Variants in PRKN observed in about 807,000 individuals in gnomAD.
PRKN encodes the protein E3 ubiquitin-protein ligase parkin.
PRKN carries 56 observed loss-of-function variants against 59.5 expected under a neutral mutation model. The ratio of observed to expected loss-of-function variants is 0.94; its 90% CI spans 0.76 to 1.18. The LOEUF (loss-of-function observed/expected upper bound fraction) is 1.18, where lower values mean the gene tolerates loss of function less well. Ranked by LOEUF, PRKN falls within the 50% of genes most tolerant of loss-of-function variation. The probability of loss-of-function intolerance (pLI) is 0.00; values close to 1 mark genes in which losing one functional copy is unlikely to be tolerated. For synonymous variants in PRKN, 250 were observed against 222.1 expected, an observed-to-expected ratio of 1.13 and a Z score of -1.12; for missense variants, 657 against 596.4, an observed-to-expected ratio of 1.10 and a Z score of -1.06.
At chr6:161,602,608 T>G (rs750335822) in intron 7 of PRKN, among the ~76,000 whole-genome samples, 1 of 152,226 alleles carries the variant, frequency 6.6e-6, no homozygotes, top group Non-Finnish European at 1.5e-5. Flanking sequence ...TTGCTCTCTG[T>G]AGACTGCTGG....
rs563115828 is a variant in PRKN at position 162,340,077 on chromosome 6, T to G, written c.172-77312A>C. Among the ~76,000 whole-genome samples, 77 of 146,418 alleles carry G rather than the reference T, an allele frequency of 5.3e-4. 2 individuals carry two copies. In the East Asian group the frequency reaches 0.014, roughly 27 times the overall value. The stretch of plus-strand genomic sequence containing the variant: ...GTTTATCTGCTGACCTTCCCTCCAC[T>G]ATTGTCCCATGACCCTGCCAAATCC... On this transcript the variant is annotated intron_variant, in intron 2 of 11. Transcript: ENST00000366898.
chr6:161,786,476 T>G (rs1259268322), intron 6 of PRKN, among the ~76,000 whole-genome samples: 1 of 152,184 alleles, frequency 6.6e-6, no homozygotes, highest in Non-Finnish European at 1.5e-5. Flanking sequence ...AGGACTTGTA[T>G]ATAGTGATTT....
At chr6:162,391,521 T>G (rs1787191947) in intron 2 of PRKN, among the ~76,000 whole-genome samples, 1 of 151,576 alleles carries the variant, frequency 6.6e-6, no homozygotes, top group Non-Finnish European at 1.5e-5. Flanking sequence ...ATGCTTGACG[T>G]GGATTTCGAA....
At chr6:161,691,106 T>TCCATCCAC (rs779616614) in intron 7 of PRKN, among the ~76,000 whole-genome samples, 10 of 151,922 alleles carry the variant, frequency 6.6e-5, no homozygotes, top group Non-Finnish European at 1.5e-4. Context: ...TATCTATCCA[T>TCCATCCAC]CTATCCACCT....
At chr6:161,601,275 C>T (rs1782094893) in intron 7 of PRKN, among the ~76,000 whole-genome samples, 1 of 152,142 alleles carries the variant, frequency 6.6e-6, no homozygotes, top group Non-Finnish European at 1.5e-5. Flanking sequence ...GATCAAGGTG[C>T]TGGCAGATTT....
chr6:162,603,015 C>T (rs1562425970), intron 1 of PRKN, among the ~76,000 whole-genome samples: 1 of 152,262 alleles, frequency 6.6e-6, no homozygotes, highest in South Asian at 2.1e-4. Flanking sequence ...TCCCAAACCC[C>T]AGAAGCTCCA....
At chr6:161,806,218 G>A (rs1401517288) in intron 6 of PRKN, among the ~76,000 whole-genome samples, 1 of 152,162 alleles carries the variant, frequency 6.6e-6, no homozygotes, top group Non-Finnish European at 1.5e-5. Flanking sequence ...GCGACAGCTA[G>A]ACACCAAAGT....
intron 1 of PRKN, among the ~76,000 whole-genome samples, chr6:162,688,938 T>C (rs1777666373): frequency 6.6e-6 from 1 of 152,196 alleles, no homozygotes; most frequent in South Asian, 2.1e-4. Context: ...AGAAAGGCAT[T>C]AGCCTACCAT....
At chr6:161,628,507 T>C (rs547013094) in intron 7 of PRKN, among the ~76,000 whole-genome samples, 56 of 152,300 alleles carry the variant, frequency 3.7e-4, no homozygotes, top group South Asian at 1.0e-3. Flanking sequence ...CCTAATACCA[T>C]CACCTTGAGG....
intron 1 of PRKN, among the ~76,000 whole-genome samples, chr6:162,594,922 C>A (rs1781443048): frequency 1.3e-5 from 2 of 152,174 alleles, no homozygotes; most frequent in Admixed American, 6.6e-5. Flanking sequence ...CGCCTGTAAT[C>A]CCAGCACTTT....
At chr6:162,447,851 G>C (rs977763633) in intron 1 of PRKN, among the ~76,000 whole-genome samples, 1 of 152,044 alleles carries the variant, frequency 6.6e-6, no homozygotes, top group Non-Finnish European at 1.5e-5. Flanking sequence ...ATTGGTTCAG[G>C]GATGATGCAA....
intron 1 of PRKN, among the ~76,000 whole-genome samples, chr6:162,590,848 A>G (rs57441108): frequency 0.021 from 3,153 of 152,262 alleles, 112 homozygotes; most frequent in African/African-American, 0.071. Context: ...TACTCTGGGC[A>G]CACAACAGCC....
rs1281249287 is a variant in PRKN, at chr6:162,727,670, G to A, written c.-2C>T. Reference sequence around the variant, plus strand: ...GGCAGGTACCCACGTACCTATCATGGTCACTGGGTAGGTGGCGGCTGCGGG... The same window carrying A: ...GGCAGGTACCCACGTACCTATCATGATCACTGGGTAGGTGGCGGCTGCGGG... On this transcript the variant is annotated 5_prime_UTR_variant, in exon 1 of 12. Transcript: ENST00000366898. 1.3e-6 allele frequency: 2 copies of A among 1,582,730 alleles called. No individual in the cohort carries two copies. Among genetic ancestry groups the A allele is most frequent in the African/African-American group, 1.3e-5 (1 of 74,110 alleles).
chr6:161,573,547 C>T (rs796626390), intron 7 of PRKN, among the ~76,000 whole-genome samples: 5 of 149,858 alleles, frequency 3.3e-5, no homozygotes, highest in African/African-American at 7.3e-5. Context: ...AGTGAAACCC[C>T]GTCTCTACTA....
rs369638647 is a variant in PRKN at position 162,238,549 on chromosome 6, A to G, written c.412+23976T>C. On this transcript the variant is annotated intron_variant, in intron 3 of 11. Coordinates refer to ENST00000366898, the MANE Select transcript of PRKN (RefSeq NM_004562.3). ...ACATAATTCTTAAAATAAAAACCCA[A>G]GGAAGACGTTAGTATTCCTTGTTTC... Among the ~76,000 whole-genome samples, 104 of 152,344 alleles carry G rather than the reference A, an allele frequency of 6.8e-4. 2 individuals are homozygous for G. The South Asian group carries it at 0.02, about 29-fold the overall frequency.
At chr6:161,945,635 C>T (rs895862371) in intron 6 of PRKN, among the ~76,000 whole-genome samples, 3 of 152,242 alleles carry the variant, frequency 2.0e-5, no homozygotes. Context: ...CAAGTTGCAG[C>T]TAAACCAAAC....
In PRKN at chr6:161,538,975, T is replaced by G. The variant is rs1439534881; in HGVS notation, c.1083+9879A>C. Among the ~76,000 whole-genome samples the G allele has an allele frequency of 1.3e-5, 2 of 152,138 alleles. No homozygotes were observed. Among genetic ancestry groups the G allele is most frequent in the Admixed American group, 1.3e-4 (2 of 15,274 alleles). On this transcript the variant is annotated intron_variant, in intron 9 of 11. Transcript: ENST00000366898. This position sits in a 1 kb window ranked among gnomAD's most constrained non-coding sequence, Gnocchi z 4.2. ...CTGACCTTGGTGTTCCTGTTTCGTG[T>G]GAAGAGTGAGGGCGTGCTGCTTCTT...
chr6:162,253,598 AG>A lies in PRKN; in HGVS notation c.412+8926del, dbSNP rs545328792. ...AGGAAATCCTAAACGCTCAATTTGAAGTATGTTTCCTCACTATTTGTAGGAA... is the reference window on the plus strand; with the variant it reads ...AGGAAATCCTAAACGCTCAATTTGAATATGTTTCCTCACTATTTGTAGGAA... On this transcript the variant is annotated intron_variant, in intron 3 of 11. Coordinates refer to ENST00000366898, the MANE Select transcript of PRKN (RefSeq NM_004562.3). 1.1e-3 allele frequency among the ~76,000 whole-genome samples: 160 copies of A among 152,274 alleles called. 1 individual carries two copies. The highest frequency in any genetic ancestry group is 3.6e-3 in the African/African-American group (149 of 41,544).
chr6:162,500,228 A>C (rs1238058471), intron 1 of PRKN, among the ~76,000 whole-genome samples: 1 of 147,906 alleles, frequency 6.8e-6, no homozygotes, highest in Non-Finnish European at 1.5e-5. Flanking sequence ...GCTGGAGTGC[A>C]GTGCATGATA....
Sources: allele counts gnomAD v4.1 joint callset (sites outside exome capture counted in the v4.1 genomes callset), GRCh38; gene constraint gnomAD v4.1.1; non-coding constraint Gnocchi (gnomAD v3.1); transcripts MANE v1.5; gene names NCBI Gene and HGNC (gene_info 2026-07-23, HGNC 2026-07-21).